ARGLU1: variants seen among roughly 807,000 people sequenced by gnomAD.
ARGLU1 encodes arginine and glutamate rich 1.
ARGLU1 carries 9 observed loss-of-function variants against 37.6 expected under a neutral mutation model. The ratio of observed to expected loss-of-function variants is 0.24; its 90% CI spans 0.14 to 0.42. The LOEUF (loss-of-function observed/expected upper bound fraction) is 0.42, where lower values mean the gene tolerates loss of function less well. Ranked by LOEUF, ARGLU1 falls within the 10% of genes least tolerant of loss-of-function variation. ARGLU1 has a pLI of 1.00. For synonymous variants in ARGLU1, 166 were observed against 138.5 expected, an observed-to-expected ratio of 1.20 and a Z score of -1.39; for missense variants, 211 against 359.2, an observed-to-expected ratio of 0.59 and a Z score of 3.34.
intron 3 of ARGLU1, among the ~76,000 whole-genome samples, chr13:106,550,579 C>T (rs117591294): frequency 3.4e-3 from 521 of 152,242 alleles, no homozygotes; most frequent in Admixed American, 8.4e-3. Flanking sequence ...CTATAAGATA[C>T]CCTGTTCTTT....
chr13:106,554,890 G>A (rs201161989), intron 3 of ARGLU1, among the ~76,000 whole-genome samples: 89 of 146,060 alleles, frequency 6.1e-4, no homozygotes, highest in Non-Finnish European at 8.9e-4. Flanking sequence ...ATCAAAAAAA[G>A]AAAAAAAAAA....
chr13:106,546,990 C>G (rs1410581342), intron 3 of ARGLU1, among the ~76,000 whole-genome samples: 2 of 152,126 alleles, frequency 1.3e-5, no homozygotes, highest in African/African-American at 4.8e-5. Flanking sequence ...GGTTCATCCT[C>G]ATGAATGGAT....
intron 3 of ARGLU1, among the ~76,000 whole-genome samples, chr13:106,550,295 T>C (rs1254446088): frequency 3.3e-5 from 5 of 152,156 alleles, no homozygotes; most frequent in African/African-American, 1.2e-4. Flanking sequence ...GCTTCGTGTT[T>C]CCAATTTGTG....
intron 2 of ARGLU1, chr13:106,558,159 TGAA>T (rs1263010880): frequency 3.0e-6 from 3 of 984,598 alleles, no homozygotes; most frequent in Non-Finnish European, 3.6e-6. Context: ...AAAAAGCAAA[TGAA>T]GAGAAAAAAA....
intron 1 of ARGLU1, among the ~76,000 whole-genome samples, chr13:106,566,964 G>C (rs1358778662): frequency 6.6e-6 from 1 of 151,926 alleles, no homozygotes; most frequent in African/African-American, 2.4e-5. Context: ...TCAAGGAAGG[G>C]GTGAGGGTGT....
intron 1 of ARGLU1, among the ~76,000 whole-genome samples, chr13:106,566,563 G>C (rs563929414): frequency 6.6e-6 from 1 of 152,142 alleles, no homozygotes; most frequent in South Asian, 2.1e-4. Flanking sequence ...TGAATACCCA[G>C]AGCATCAAAG....
intron 3 of ARGLU1, among the ~76,000 whole-genome samples, chr13:106,553,428 TC>T (rs1880583867): frequency 6.6e-6 from 1 of 152,236 alleles, no homozygotes; most frequent in African/African-American, 2.4e-5. Flanking sequence ...GTACATAAAT[TC>T]ATTTGTAAAT....
At chr13:106,564,575 C>T (rs770564980) in intron 1 of ARGLU1, among the ~76,000 whole-genome samples, 1 of 152,174 alleles carries the variant, frequency 6.6e-6, no homozygotes, top group Non-Finnish European at 1.5e-5. Context: ...TTTCTTTCTG[C>T]TTCCACCATA....
chr13:106,549,223 T>C (rs938448618), intron 3 of ARGLU1, among the ~76,000 whole-genome samples: 10 of 152,208 alleles, frequency 6.6e-5, no homozygotes, highest in African/African-American at 2.4e-4. Flanking sequence ...TGTAACTTTA[T>C]AAAATTTTAA....
chr13:106,566,641 T>C (rs1288878586), intron 1 of ARGLU1, among the ~76,000 whole-genome samples: 3 of 152,228 alleles, frequency 2.0e-5, no homozygotes, highest in Non-Finnish European at 2.9e-5. Flanking sequence ...TCCTTTAGTT[T>C]GGGATTATTT....
intron 1 of ARGLU1, among the ~76,000 whole-genome samples, chr13:106,562,471 T>C (rs984074009): frequency 1.2e-4 from 19 of 152,066 alleles, no homozygotes; most frequent in African/African-American, 4.1e-4. Context: ...TCTTGCAAAA[T>C]AGGTATCATC....
chr13:106,565,891 C>T (rs1050707785), intron 1 of ARGLU1, among the ~76,000 whole-genome samples: 17 of 152,306 alleles, frequency 1.1e-4, no homozygotes, highest in African/African-American at 3.8e-4. Flanking sequence ...ACATGCGAAA[C>T]CTGCTAAATG....
chr13:106,546,036 C>T (rs1393863444), intron 3 of ARGLU1, among the ~76,000 whole-genome samples: 1 of 152,164 alleles, frequency 6.6e-6, no homozygotes, highest in East Asian at 1.9e-4. Context: ...TCCCTTCCGC[C>T]ACTCAAATTC....
chr13:106,558,731 G>C (rs1480397722), intron 2 of ARGLU1: 3 of 985,224 alleles, frequency 3.0e-6, no homozygotes, highest in African/African-American at 3.5e-5. Context: ...CTCCAGACAA[G>C]GACAACCTGT....
chr13:106,553,256 A>G lies in ARGLU1; in HGVS notation c.657+3792T>C, dbSNP rs117920663. On this transcript the variant is annotated intron_variant, in intron 3 of 3. Coordinates refer to ENST00000400198, the MANE Select transcript of ARGLU1 (RefSeq NM_018011.4). ...GTGCAAGTATATGTTTCTCAAAATA[A>G]AAGGATCATATTGGATATATAAATT... Among the ~76,000 whole-genome samples, 147 of 152,322 alleles carry G rather than the reference A, an allele frequency of 9.7e-4. No individual in the cohort carries two copies. The East Asian group carries it at 0.027, about 28-fold the overall frequency.
In ARGLU1 at chr13:106,543,298, A is replaced by T. The variant is rs1312348217; in HGVS notation, c.*698T>A. 1 of 152,572 alleles carries T rather than the reference A, an allele frequency of 6.6e-6. No individual in the cohort carries two copies. Among genetic ancestry groups the T allele is most frequent in the Non-Finnish European group, 1.5e-5 (1 of 67,964 alleles). The allele number at this position is 152,572 out of a possible 1,614,324, so 9.5% of individuals were successfully genotyped here. A position where few individuals can be genotyped will look rare whatever the true frequency, so the allele number is the denominator to read the frequency against. On this transcript the variant is annotated 3_prime_UTR_variant, in exon 4 of 4. Coordinates refer to ENST00000400198, the MANE Select transcript of ARGLU1 (RefSeq NM_018011.4). ...TGAACCACCCTCTTTAAGACTTAAC[A>T]TAACATTAAAAAAAATTGCTTCAAC... is the stretch of plus-strand genomic sequence containing the variant.
intron 1 of ARGLU1, among the ~76,000 whole-genome samples, chr13:106,566,358 CAACTACAGAA>C (rs1326227443): frequency 1.3e-5 from 2 of 152,230 alleles, no homozygotes; most frequent in Non-Finnish European, 2.9e-5. Flanking sequence ...AACACAAACC[CAACTACAGAA>C]AACTACAAAC....
intron 1 of ARGLU1, among the ~76,000 whole-genome samples, chr13:106,560,569 T>C (rs1453414850): frequency 6.6e-6 from 1 of 152,196 alleles, no homozygotes; most frequent in Non-Finnish European, 1.5e-5. Context: ...GATTGCGTGT[T>C]AAAATGATAT....
intron 3 of ARGLU1, among the ~76,000 whole-genome samples, chr13:106,546,531 G>A (rs553238316): frequency 6.6e-6 from 1 of 152,206 alleles, no homozygotes; most frequent in East Asian, 1.9e-4. Context: ...AAAAAGAACT[G>A]CCTGCTATCG....
Sources: gnomAD v4.1 joint callset for allele counts (sites outside exome capture counted in the v4.1 genomes callset) on GRCh38, gnomAD v4.1.1 for gene constraint, MANE v1.5 for transcripts, NCBI Gene and HGNC (gene_info 2026-07-23, HGNC 2026-07-21) for gene names.